The following SPECC1 variants were observed in gnomAD, a reference collection of about 807,000 sequenced individuals.
SPECC1 encodes the protein cytospin-B.
A neutral mutation model predicts 104.1 loss-of-function variants in SPECC1; 62 were observed. The ratio of observed to expected loss-of-function variants is 0.60; its 90% CI spans 0.49 to 0.74. The LOEUF (loss-of-function observed/expected upper bound fraction) is 0.74, where lower values mean the gene tolerates loss of function less well. SPECC1 is among the 30% of genes least tolerant of loss of function. The probability of loss-of-function intolerance (pLI) is 0.00; values close to 1 mark genes in which losing one functional copy is unlikely to be tolerated. For missense variants in SPECC1, 1,306 were observed against 1,310.5 expected (o/e 1.00, Z 0.05); for synonymous variants, 513 against 501.6 (o/e 1.02, Z -0.30).
At chr17:20,152,752 A>C (rs1335180275) in intron 3 of SPECC1, among the ~76,000 whole-genome samples, 5 of 151,942 alleles carry the variant, frequency 3.3e-5, no homozygotes, top group Admixed American at 3.3e-4. Flanking sequence ...GCTCACTGCA[A>C]CCTCTGCCTC....
chr17:20,301,409 AT>A (rs559604892), intron 13 of SPECC1, among the ~76,000 whole-genome samples: 7,360 of 141,444 alleles, frequency 0.052, 425 homozygotes, highest in African/African-American at 0.15. Flanking sequence ...GTGCCAGGGC[AT>A]TTTTTTTTTT....
chr17:20,305,971 A>T, intron 13 of SPECC1, 52 bp from the exon 14 acceptor site: 1 of 1,523,088 alleles, frequency 6.6e-7, no homozygotes, highest in Non-Finnish European at 9.1e-7. Flanking sequence ...TTCCTGGCAA[A>T]AGCTATATAT....
chr17:20,074,174 C>G (rs1362389148), intron 1 of SPECC1, among the ~76,000 whole-genome samples: 1 of 152,236 alleles, frequency 6.6e-6, no homozygotes, highest in East Asian at 1.9e-4. Context: ...GCCCCTGGAA[C>G]GTTCTCGAGT....
chr17:20,240,473 C>CT (rs572627293), intron 7 of SPECC1, among the ~76,000 whole-genome samples: 291 of 151,940 alleles, frequency 1.9e-3, no homozygotes, highest in Non-Finnish European at 3.2e-3. Context: ...TTCCTTTACT[C>CT]TTTTTTTTAA....
chr17:20,224,650 A>T (rs1197111535), intron 4 of SPECC1, among the ~76,000 whole-genome samples: 3 of 151,932 alleles, frequency 2.0e-5, no homozygotes, highest in African/African-American at 7.3e-5. Context: ...TGGCAGCACC[A>T]CTGATGTTTA....
At chr17:20,033,541 G>A (rs1283726416) in intron 1 of SPECC1, among the ~76,000 whole-genome samples, 1 of 152,146 alleles carries the variant, frequency 6.6e-6, no homozygotes, top group Non-Finnish European at 1.5e-5. Flanking sequence ...TTCTGGCGAG[G>A]GCTTCAGGCT....
intron 5 of SPECC1, among the ~76,000 whole-genome samples, chr17:20,230,249 G>T (rs1471850882): frequency 2.6e-5 from 4 of 152,152 alleles, no homozygotes; most frequent in African/African-American, 9.7e-5. Context: ...TGGTGTGCAT[G>T]GCAACTCTCT....
intron 3 of SPECC1, among the ~76,000 whole-genome samples, chr17:20,118,405 G>T (rs2048868224): frequency 6.6e-6 from 1 of 152,132 alleles, no homozygotes; most frequent in African/African-American, 2.4e-5. Flanking sequence ...TATAATATGG[G>T]AAACAACCTA....
chr17:20,258,340 G>A (rs1232650708), intron 11 of SPECC1, among the ~76,000 whole-genome samples: 1 of 152,176 alleles, frequency 6.6e-6, no homozygotes, highest in Non-Finnish European at 1.5e-5. Flanking sequence ...GACCAGCAGG[G>A]TGGTCACTAA....
At chr17:20,169,696 G>A (rs1459701535) in intron 3 of SPECC1, among the ~76,000 whole-genome samples, 1 of 151,998 alleles carries the variant, frequency 6.6e-6, no homozygotes, top group African/African-American at 2.4e-5. Context: ...AGAGACAGGG[G>A]CTTGCTCTGT....
chr17:20,202,751 CAA>C (rs941601955), intron 3 of SPECC1, among the ~76,000 whole-genome samples: 2 of 152,116 alleles, frequency 1.3e-5, no homozygotes, highest in African/African-American at 4.8e-5. Flanking sequence ...TCTGGGGAGC[CAA>C]AAGTTATACA....
intron 1 of SPECC1, among the ~76,000 whole-genome samples, chr17:20,051,086 TTCTTTC>T (rs1158452665): frequency 2.2e-5 from 2 of 88,934 alleles, no homozygotes; most frequent in East Asian, 3.5e-4. Flanking sequence ...CTTTCTTTCT[TTCTTTC>T]TTTCTTTCTT....
At chr17:20,279,620 C>G (rs186761752) in intron 12 of SPECC1, among the ~76,000 whole-genome samples, 1 of 152,128 alleles carries the variant, frequency 6.6e-6, no homozygotes, top group African/African-American at 2.4e-5. Flanking sequence ...CCGCGCCCAG[C>G]CTTGAAGGTT....
intron 14 of SPECC1, among the ~76,000 whole-genome samples, chr17:20,306,374 T>C (rs1470339389): frequency 1.3e-5 from 2 of 152,290 alleles, no homozygotes; most frequent in East Asian, 3.9e-4. Context: ...AATAAAATGC[T>C]ATGTTAAAAA....
chr17:20,249,781 A>G (rs2039554909), intron 9 of SPECC1, among the ~76,000 whole-genome samples: 1 of 152,212 alleles, frequency 6.6e-6, no homozygotes, highest in South Asian at 2.1e-4. Context: ...GAGAAAAAGG[A>G]TAGGAAATAG....
intron 1 of SPECC1, among the ~76,000 whole-genome samples, chr17:20,084,134 A>G (rs1567831055): frequency 6.6e-6 from 1 of 152,196 alleles, no homozygotes; most frequent in Admixed American, 6.5e-5. Context: ...TATTTTTAAC[A>G]AAAATAACAA....
At chr17:20,231,147 C>T (rs2151475726) in intron 5 of SPECC1, among the ~76,000 whole-genome samples, 1 of 152,286 alleles carries the variant, frequency 6.6e-6, no homozygotes, top group African/African-American at 2.4e-5. Context: ...TAGGGAGAGG[C>T]AGGCAACCAC....
intron 1 of SPECC1, among the ~76,000 whole-genome samples, chr17:20,065,820 T>C (rs2046338322): frequency 6.6e-6 from 1 of 152,198 alleles, no homozygotes; most frequent in Non-Finnish European, 1.5e-5. Flanking sequence ...AGAAGGGTCC[T>C]GTCTTGGGCA....
At chr17:20,112,615 C>G (rs1307359142) in intron 3 of SPECC1, 1 of 877,864 alleles carries the variant, frequency 1.1e-6, no homozygotes, top group Non-Finnish European at 2.0e-6. Flanking sequence ...AAGCTGATCT[C>G]TCTGGATCAG....
Sources: allele counts gnomAD v4.1 joint callset (sites outside exome capture counted in the v4.1 genomes callset), GRCh38; gene constraint gnomAD v4.1.1; transcripts MANE v1.5; gene names NCBI Gene and HGNC (gene_info 2026-07-23, HGNC 2026-07-21).